The following JMJD1C variants were observed in gnomAD, a reference collection of about 807,000 sequenced individuals.
JMJD1C encodes jumonji domain containing 1C.
Under a neutral mutation model 245.3 loss-of-function variants are expected in JMJD1C, and 31 were observed. That is an observed-to-expected ratio of 0.13 (90% CI 0.09 to 0.17). The LOEUF is 0.17. JMJD1C is among the 10% of genes least tolerant of loss of function. JMJD1C has a pLI of 1.00. For missense variants in JMJD1C, 2,691 were observed against 3,000.2 expected (o/e 0.90, Z 2.41); for synonymous variants, 1,057 against 1,017.4 (o/e 1.04, Z -0.74).
At chr10:63,478,822 A>G (rs187046030) in intron 1 of JMJD1C, among the ~76,000 whole-genome samples, 81 of 152,270 alleles carry the variant, frequency 5.3e-4, no homozygotes, top group African/African-American at 1.9e-3. Flanking sequence ...GGTCAAGCTG[A>G]TAACCACATG....
intron 2 of JMJD1C, among the ~76,000 whole-genome samples, chr10:63,373,610 A>C (rs1053973092): frequency 1.1e-4 from 16 of 152,218 alleles, no homozygotes; most frequent in African/African-American, 3.9e-4. Context: ...AAACATGTTT[A>C]AATACAAAAG....
chr10:63,423,185 A>C (rs1482719854), intron 1 of JMJD1C, among the ~76,000 whole-genome samples: 2 of 152,160 alleles, frequency 1.3e-5, no homozygotes, highest in Non-Finnish European at 2.9e-5. Flanking sequence ...GGCTGTTCTT[A>C]AACTCCTGAC....
At chr10:63,180,317 G>A (rs555434255) in intron 22 of JMJD1C, among the ~76,000 whole-genome samples, 2 of 152,200 alleles carry the variant, frequency 1.3e-5, no homozygotes, top group Non-Finnish European at 2.9e-5. Context: ...TGAAACATTT[G>A]GTAAGTGTTT....
At chr10:63,254,754 T>A (rs1853618568) in intron 3 of JMJD1C, among the ~76,000 whole-genome samples, 1 of 152,118 alleles carries the variant, frequency 6.6e-6, no homozygotes, top group African/African-American at 2.4e-5. Flanking sequence ...TTTGCCATGC[T>A]GCTCAGGCTG....
rs191820012 is a variant in JMJD1C at position 63,355,860 on chromosome 10, T to C, written c.333+24458A>G. ...CAACTTTATTTGGACTACACAATAATGAGGTTTCAAGGCTAGCTGATTTAA... is the reference window on the plus strand; with the variant it reads ...CAACTTTATTTGGACTACACAATAACGAGGTTTCAAGGCTAGCTGATTTAA... On this transcript the variant is annotated intron_variant, in intron 2 of 25. Transcript: ENST00000399262. Among the ~76,000 whole-genome samples, 7 of 152,154 alleles carry C rather than the reference T, an allele frequency of 4.6e-5. No individual in the cohort carries two copies. The East Asian group carries it at 1.4e-3, about 29-fold the overall frequency.
At chr10:63,262,103 T>C (rs1473006782) in intron 3 of JMJD1C, among the ~76,000 whole-genome samples, 1 of 152,188 alleles carries the variant, frequency 6.6e-6, no homozygotes, top group East Asian at 1.9e-4. Flanking sequence ...TATTCAAGTG[T>C]ACCCAAACTC....
intron 2 of JMJD1C, among the ~76,000 whole-genome samples, chr10:63,293,716 G>A (rs888562063): frequency 1.3e-5 from 2 of 152,028 alleles, no homozygotes; most frequent in African/African-American, 4.8e-5. Flanking sequence ...TCGTATTAAT[G>A]ATAACCTATA....
intron 1 of JMJD1C, among the ~76,000 whole-genome samples, chr10:63,439,295 TTC>T (rs1951227840): frequency 6.6e-6 from 1 of 152,228 alleles, no homozygotes; most frequent in South Asian, 2.1e-4. Context: ...TTGTGTAATG[TTC>T]TGTTCCTGGC....
chr10:63,322,824 C>CT lies in JMJD1C; in HGVS notation c.333+57493dup, dbSNP rs1231707699. On this transcript the variant is annotated intron_variant, in intron 2 of 25. Transcript: ENST00000399262. The stretch of plus-strand genomic sequence containing the variant: ...TCTCAAAAAAAAAAAAAAAAAAAAA[C>CT]TTTTTTTTTTTTCCTAAGTTTGTCA... Among the ~76,000 whole-genome samples the CT allele has an allele frequency of 9.2e-3, 994 of 108,388 alleles. 9 individuals carry two copies. The highest frequency in any genetic ancestry group is 0.032 in the South Asian group (103 of 3,180). 71.1% of individuals were successfully genotyped at this position (108,388 alleles called of 152,430 possible). A position where few individuals can be genotyped will look rare whatever the true frequency, so the allele number is the denominator to read the frequency against.
intron 19 of JMJD1C, 79 bp from the exon 20 acceptor site, chr10:63,185,732 T>C: frequency 3.7e-6 from 3 of 811,854 alleles, no homozygotes; most frequent in South Asian, 2.9e-5. Flanking sequence ...GAAACGTAAA[T>C]GAATGAATGA....
intron 10 of JMJD1C, chr10:63,202,804 T>C: frequency 7.1e-6 from 7 of 984,850 alleles, no homozygotes; most frequent in Non-Finnish European, 8.4e-6. Context: ...TTCAGAGCTT[T>C]TACAAGTTGG....
At chr10:63,395,997 G>A (rs983764528) in intron 1 of JMJD1C, among the ~76,000 whole-genome samples, 2 of 152,094 alleles carry the variant, frequency 1.3e-5, no homozygotes, top group Admixed American at 1.3e-4. Context: ...ACTGTTCTAT[G>A]TCTTAATCGT....
At chr10:63,230,357 G>A (rs1036351964) in intron 3 of JMJD1C, among the ~76,000 whole-genome samples, 1 of 152,144 alleles carries the variant, frequency 6.6e-6, no homozygotes, top group African/African-American at 2.4e-5. Context: ...GGGCAACAGA[G>A]CAAAGACTCT....
At chr10:63,470,787 A>G (rs1448899764), upstream of JMJD1C, among the ~76,000 whole-genome samples, 2 of 152,184 alleles carry the variant, frequency 1.3e-5, no homozygotes, top group South Asian at 2.1e-4. Flanking sequence ...AGCAATCTCT[A>G]TTGGGCCTTC....
rs1852294448 is a variant in JMJD1C, at chr10:63,247,023, G to A, written c.447+17628C>T. Reference sequence around the variant, plus strand: ...ATACAACGCAACAATGCACTCCAAGGAACTACAAAAGAACAAACTAAATCC... The same window carrying A: ...ATACAACGCAACAATGCACTCCAAGAAACTACAAAAGAACAAACTAAATCC... On this transcript the variant is annotated intron_variant, in intron 3 of 25. Coordinates refer to ENST00000399262, the MANE Select transcript of JMJD1C (RefSeq NM_032776.3). Among the ~76,000 whole-genome samples, 3 of 144,442 alleles carry A rather than the reference G, an allele frequency of 2.1e-5. No homozygotes were observed. In the South Asian group the frequency reaches 6.6e-4, roughly 32 times the overall value. 94.8% of individuals were successfully genotyped at this position (144,442 alleles called of 152,430 possible).
chr10:63,302,994 C>T (rs1686183954), intron 2 of JMJD1C, among the ~76,000 whole-genome samples: 2 of 152,192 alleles, frequency 1.3e-5, no homozygotes, highest in Non-Finnish European at 1.5e-5. Context: ...AGGGATCCTC[C>T]CACCACAGCC....
chr10:63,221,822 A>C (rs866307489), intron 3 of JMJD1C, among the ~76,000 whole-genome samples: 2 of 152,202 alleles, frequency 1.3e-5, no homozygotes, highest in Non-Finnish European at 2.9e-5. Flanking sequence ...CCCAGGTTCA[A>C]GCAATTCTCC....
At chr10:63,340,351 G>A (rs1943256111) in intron 2 of JMJD1C, among the ~76,000 whole-genome samples, 1 of 152,186 alleles carries the variant, frequency 6.6e-6, no homozygotes, top group Non-Finnish European at 1.5e-5. Context: ...TACACAGGCA[G>A]GACATGACAA....
At chr10:63,222,494 G>A in intron 3 of JMJD1C, 4 of 1,077,690 alleles carry the variant, frequency 3.7e-6, no homozygotes, top group Non-Finnish European at 4.3e-6. Context: ...AGGAGAATGT[G>A]GACTTGATTT....
Sources: allele counts gnomAD v4.1 joint callset (sites outside exome capture counted in the v4.1 genomes callset), GRCh38; gene constraint gnomAD v4.1.1; transcripts MANE v1.5; gene names NCBI Gene and HGNC (gene_info 2026-07-23, HGNC 2026-07-21).